CNOT6: variants seen among roughly 807,000 people sequenced by gnomAD.
CNOT6 encodes carbon catabolite repression 4 protein.
CNOT6 carries 12 observed loss-of-function variants against 61.2 expected under a neutral mutation model. The observed-to-expected ratio is 0.20, with a 90% CI of 0.13 to 0.32. The LOEUF (loss-of-function observed/expected upper bound fraction) is 0.32, where lower values mean the gene tolerates loss of function less well. Among genes scored for constraint, CNOT6 ranks in the 10% least tolerant of loss-of-function variants. The pLI is 1.00. For missense variants in CNOT6, 405 were observed against 663.9 expected (o/e 0.61, Z 4.28); for synonymous variants, 225 against 240.6 (o/e 0.94, Z 0.60).
chr5:180,551,937 T>A (rs1759622962), intron 3 of CNOT6, among the ~76,000 whole-genome samples: 1 of 150,888 alleles, frequency 6.6e-6, no homozygotes, highest in Non-Finnish European at 1.5e-5. Flanking sequence ...TAGTGTGATC[T>A]CGGCTCACTG....
chr5:180,572,023 T>C (rs901922963), intron 11 of CNOT6, among the ~76,000 whole-genome samples: 1 of 152,206 alleles, frequency 6.6e-6, no homozygotes, highest in Non-Finnish European at 1.5e-5. Context: ...ACAATTATGT[T>C]TCTTATATTC....
At chr5:180,517,556 T>C (rs1253250759) in intron 1 of CNOT6, among the ~76,000 whole-genome samples, 1 of 152,088 alleles carries the variant, frequency 6.6e-6, no homozygotes, top group East Asian at 1.9e-4. Flanking sequence ...TCTTTTTTCT[T>C]CTTTTTTTGA....
intron 4 of CNOT6, among the ~76,000 whole-genome samples, chr5:180,555,295 C>G (rs775690862): frequency 3.3e-5 from 5 of 152,224 alleles, no homozygotes; most frequent in Non-Finnish European, 5.9e-5. Context: ...GCGTGAGCCA[C>G]TGCACCAGGC....
intron 1 of CNOT6, among the ~76,000 whole-genome samples, chr5:180,497,323 C>CT (rs1756655841): frequency 1.8e-5 from 1 of 56,130 alleles, no homozygotes; most frequent in Non-Finnish European, 3.7e-5. Context: ...GAAACTCCGT[C>CT]TCAAAAAAAA....
Position 180,576,247 on chromosome 5 carries a change from G to C in CNOT6, c.*2047G>C, listed in dbSNP as rs1157602364. 1.3e-5 allele frequency: 2 copies of C among 152,614 alleles called. No individual in the cohort carries two copies. The highest frequency in any genetic ancestry group is 1.9e-4 in the East Asian group (1 of 5,202). 9.5% of individuals were successfully genotyped at this position (152,614 alleles called of 1,614,324 possible). On this transcript the variant is annotated 3_prime_UTR_variant, in exon 12 of 12. Coordinates refer to ENST00000261951, the MANE Select transcript of CNOT6 (RefSeq NM_001370472.1). ...GACAATTTCCAGTGAAGGTGAGCTG[G>C]AGCTGGTTGGACTAATGAGACTGAG...
chr5:180,542,894 T>C (rs1353544650), intron 2 of CNOT6, among the ~76,000 whole-genome samples: 1 of 152,192 alleles, frequency 6.6e-6, no homozygotes, highest in Non-Finnish European at 1.5e-5. Flanking sequence ...TATGAGATTA[T>C]CAAAAGGTGA....
intron 9 of CNOT6, among the ~76,000 whole-genome samples, chr5:180,568,234 T>G (rs1389944057): frequency 4.5e-5 from 6 of 133,840 alleles, no homozygotes; most frequent in African/African-American, 1.2e-4. Context: ...AAAAACCTTT[T>G]TTTTTTTTTT....
chr5:180,506,964 GA>G (rs1757158255), intron 1 of CNOT6, among the ~76,000 whole-genome samples: 2 of 152,164 alleles, frequency 1.3e-5, no homozygotes, highest in African/African-American at 2.4e-5. Flanking sequence ...CAGGTTTAAT[GA>G]ATACAACAGT....
At chr5:180,502,117 G>A (rs1756892471) in intron 1 of CNOT6, among the ~76,000 whole-genome samples, 1 of 152,178 alleles carries the variant, frequency 6.6e-6, no homozygotes, top group African/African-American at 2.4e-5. Context: ...ACCTGTGTTA[G>A]TCACCAGCTT....
chr5:180,506,391 C>A (rs1049949736), intron 1 of CNOT6, among the ~76,000 whole-genome samples: 1 of 152,154 alleles, frequency 6.6e-6, no homozygotes, highest in African/African-American at 2.4e-5. Flanking sequence ...GACCTTCTTT[C>A]TTTATGTAAA....
At chr5:180,543,810 A>T (rs1008691058) in intron 2 of CNOT6, among the ~76,000 whole-genome samples, 3 of 151,994 alleles carry the variant, frequency 2.0e-5, no homozygotes, top group Non-Finnish European at 4.4e-5. Flanking sequence ...ATTTATTTTT[A>T]ATATGACTTT....
chr5:180,527,465 AG>A (rs1039979878), intron 1 of CNOT6, among the ~76,000 whole-genome samples: 1 of 152,222 alleles, frequency 6.6e-6, no homozygotes, highest in Non-Finnish European at 1.5e-5. Flanking sequence ...ACAACATGAT[AG>A]TTACTACATA....
At chr5:180,553,495 C>T in intron 4 of CNOT6, 24 bp downstream of exon 4, 1 of 1,559,308 alleles carries the variant, frequency 6.4e-7, no homozygotes, top group Non-Finnish European at 8.8e-7. Context: ...ATTTGTACTT[C>T]TTATGGTTTG....
chr5:180,552,695 T>C (rs1254757924), intron 3 of CNOT6, among the ~76,000 whole-genome samples: 2 of 152,072 alleles, frequency 1.3e-5, no homozygotes, highest in Non-Finnish European at 2.9e-5. Context: ...ACATTGCCAC[T>C]GTGTCCGTAT....
At position 180,577,434 on chromosome 5, in the gene CNOT6, A is replaced by G. The variant is rs1306565826; in HGVS notation, c.*3234A>G. ...TTGTAAGGTTTTGGGGTCATATATA[A>G]GGACTAAAGCCAAGCTAGGCAAAAC... is the stretch of plus-strand genomic sequence containing the variant. On this transcript the variant is annotated 3_prime_UTR_variant, in exon 12 of 12. Transcript: ENST00000261951. 2.6e-5 allele frequency: 4 copies of G among 152,610 alleles called. No homozygotes were observed. Among genetic ancestry groups the G allele is most frequent in the African/African-American group, 9.7e-5 (4 of 41,426 alleles). The allele number at this position is 152,610 out of a possible 1,614,324, so 9.5% of individuals were successfully genotyped here.
At chr5:180,531,739 T>C (rs1042423451) in intron 2 of CNOT6, among the ~76,000 whole-genome samples, 25 of 152,298 alleles carry the variant, frequency 1.6e-4, no homozygotes, top group African/African-American at 6.0e-4. Flanking sequence ...TCCCGGCACC[T>C]CGGGAGGCCG....
chr5:180,574,128 T>G lies in CNOT6; in HGVS notation c.1602T>G (p.Leu534=). 6.2e-7 allele frequency: 1 copy of G among 1,614,072 alleles called. No homozygotes were observed. The part of the protein sequence containing the change: ...HPLIPSDHFS[L]FAQLELLLPF... ...TCATCCCCTCTGACCACTTCTCACTTTTTGCACAACTGGAGCTCTTACTGC... is the reference window on the plus strand; with the variant it reads ...TCATCCCCTCTGACCACTTCTCACTGTTTGCACAACTGGAGCTCTTACTGC... Residue 534 remains leucine, a synonymous_variant, in exon 12 of 12, where the codon CTT becomes CTG. Transcript: ENST00000261951.
At chr5:180,543,707 A>G (rs1489387050) in intron 2 of CNOT6, among the ~76,000 whole-genome samples, 4 of 152,238 alleles carry the variant, frequency 2.6e-5, no homozygotes, top group Non-Finnish European at 5.9e-5. Flanking sequence ...CCCAAAATGA[A>G]AGAATGTGTC....
intron 1 of CNOT6, among the ~76,000 whole-genome samples, chr5:180,525,471 G>A (rs1758058752): frequency 6.6e-6 from 1 of 151,398 alleles, no homozygotes; most frequent in African/African-American, 2.4e-5. Flanking sequence ...CCTGGGAGGT[G>A]AAGGCTGCAG....
Sources: allele counts gnomAD v4.1 joint callset (sites outside exome capture counted in the v4.1 genomes callset), GRCh38; gene constraint gnomAD v4.1.1; transcripts MANE v1.5; gene names NCBI Gene and HGNC (gene_info 2026-07-23, HGNC 2026-07-21).